The following LRRC4C variants were observed in gnomAD, a reference collection of about 807,000 sequenced individuals.
LRRC4C encodes the protein leucine rich repeat containing 4C.
Under a neutral mutation model 33.6 loss-of-function variants are expected in LRRC4C, and 5 were observed. The observed-to-expected ratio is 0.15, with a 90% confidence interval of 0.08 to 0.31. The LOEUF (loss-of-function observed/expected upper bound fraction) is 0.31, where lower values mean the gene tolerates loss of function less well. Ranked by LOEUF, LRRC4C falls within the 10% of genes least tolerant of loss-of-function variation. The pLI is 1.00. For synonymous variants in LRRC4C, 329 were observed against 302.0 expected, an observed-to-expected ratio of 1.09 and a Z score of -0.93; for missense variants, 560 against 796.7, an observed-to-expected ratio of 0.70 and a Z score of 3.58.
At chr11:40,251,174 C>T (rs1866760507) in intron 4 of LRRC4C, among the ~76,000 whole-genome samples, 1 of 152,118 alleles carries the variant, frequency 6.6e-6, no homozygotes, top group African/African-American at 2.4e-5. Flanking sequence ...TTGCAAAGGA[C>T]CATAATTTTA....
intron 1 of LRRC4C, among the ~76,000 whole-genome samples, chr11:41,281,297 G>A (rs557136021): frequency 2.6e-5 from 4 of 152,090 alleles, no homozygotes; most frequent in South Asian, 2.1e-4. Flanking sequence ...ATTTCTGCCC[G>A]CATCACACTC....
intron 5 of LRRC4C, among the ~76,000 whole-genome samples, chr11:40,230,539 T>A (rs534311483): frequency 8.3e-4 from 127 of 152,296 alleles, no homozygotes; most frequent in Middle Eastern, 3.4e-3. Flanking sequence ...ATTTTGTGGG[T>A]GATGATACAC....
At chr11:40,919,409 T>C (rs912085451) in intron 2 of LRRC4C, among the ~76,000 whole-genome samples, 1 of 152,182 alleles carries the variant, frequency 6.6e-6, no homozygotes, top group African/African-American at 2.4e-5. Context: ...TAATAACTCA[T>C]AGCGTTATCT....
intron 6 of LRRC4C, among the ~76,000 whole-genome samples, chr11:40,122,455 T>A (rs575221823): frequency 6.6e-6 from 1 of 152,178 alleles, no homozygotes; most frequent in East Asian, 1.9e-4. Flanking sequence ...CTCCTCCCTG[T>A]GTCCACGTGT....
At chr11:40,453,824 T>C (rs1785539765) in intron 3 of LRRC4C, among the ~76,000 whole-genome samples, 1 of 152,176 alleles carries the variant, frequency 6.6e-6, no homozygotes, top group Non-Finnish European at 1.5e-5. Context: ...TCACTGTACA[T>C]TGGTACCACA....
At position 41,329,169 on chromosome 11, in the gene LRRC4C, T is replaced by C. The variant is rs767952937; in HGVS notation, c.-496+130262A>G. Among the ~76,000 whole-genome samples the C allele has an allele frequency of 5.3e-5, 8 of 152,212 alleles. No individual in the cohort carries two copies. In the South Asian group the frequency reaches 1.2e-3, roughly 24 times the overall value. The stretch of plus-strand genomic sequence containing the variant: ...TGGTAACTCATGATAGAAAAGAATA[T>C]GCTAACTTTCTAAATTATATTTGCT... On this transcript the variant is annotated intron_variant, in intron 1 of 6. Transcript: ENST00000528697.
At chr11:41,435,909 G>C (rs1305828559) in intron 1 of LRRC4C, among the ~76,000 whole-genome samples, 1 of 152,098 alleles carries the variant, frequency 6.6e-6, no homozygotes, top group Non-Finnish European at 1.5e-5. Flanking sequence ...AAGGAAAATA[G>C]CCTAAACATT....
At chr11:41,400,741 A>C (rs1195474690) in intron 1 of LRRC4C, among the ~76,000 whole-genome samples, 1 of 151,912 alleles carries the variant, frequency 6.6e-6, no homozygotes, top group East Asian at 1.9e-4. Flanking sequence ...TGCCATCACT[A>C]GTTTTGTGTC....
intron 1 of LRRC4C, among the ~76,000 whole-genome samples, chr11:41,457,529 C>T (rs1199679696): frequency 1.3e-5 from 2 of 152,208 alleles, no homozygotes; most frequent in East Asian, 3.9e-4. Flanking sequence ...ATTATTCTCA[C>T]TTTCAGGTTT....
intron 1 of LRRC4C, among the ~76,000 whole-genome samples, chr11:40,985,825 G>C (rs1220109231): frequency 1.3e-5 from 2 of 152,094 alleles, no homozygotes; most frequent in Non-Finnish European, 2.9e-5. Flanking sequence ...CAAGTAGATG[G>C]ATTGTAGAAT....
intron 3 of LRRC4C, among the ~76,000 whole-genome samples, chr11:40,495,811 A>ATTTTT (rs1565445743): frequency 7.7e-5 from 4 of 51,902 alleles, no homozygotes; most frequent in Non-Finnish European, 1.2e-4. Context: ...CTCAATAAAC[A>ATTTTT]TGTTTTTTTT....
intron 5 of LRRC4C, among the ~76,000 whole-genome samples, chr11:40,171,498 T>A (rs1590608339): frequency 6.6e-6 from 1 of 152,204 alleles, no homozygotes; most frequent in South Asian, 2.1e-4. Flanking sequence ...TTACATTGTG[T>A]TTGGCACCCA....
chr11:40,559,940 A>G (rs1055617243), intron 3 of LRRC4C, among the ~76,000 whole-genome samples: 8 of 152,090 alleles, frequency 5.3e-5, no homozygotes, highest in Admixed American at 3.3e-4. Context: ...TTACACTTAC[A>G]TGTGGTTTCC....
chr11:40,805,700 TG>T (rs1172230996), intron 2 of LRRC4C, among the ~76,000 whole-genome samples: 1 of 152,046 alleles, frequency 6.6e-6, no homozygotes, highest in Non-Finnish European at 1.5e-5. Flanking sequence ...TTATATTAAC[TG>T]CACAAAAAAA....
intron 1 of LRRC4C, among the ~76,000 whole-genome samples, chr11:40,951,893 T>C (rs1958708075): frequency 6.6e-6 from 1 of 151,992 alleles, no homozygotes; most frequent in Admixed American, 6.6e-5. Flanking sequence ...GAATTCTGGC[T>C]GTTACATCCT....
At chr11:40,559,569 T>C (rs2135496343) in intron 3 of LRRC4C, among the ~76,000 whole-genome samples, 1 of 152,284 alleles carries the variant, frequency 6.6e-6, no homozygotes, top group African/African-American at 2.4e-5. Context: ...GTAGTTCTGC[T>C]TTTAGCTCTT....
At chr11:40,752,047 T>C (rs552776645) in intron 2 of LRRC4C, among the ~76,000 whole-genome samples, 3 of 152,116 alleles carry the variant, frequency 2.0e-5, no homozygotes, top group African/African-American at 7.2e-5. Context: ...TGGATGTCCA[T>C]GTGCAGAAGA....
intron 3 of LRRC4C, among the ~76,000 whole-genome samples, chr11:40,453,335 C>G (rs1260178269): frequency 6.6e-6 from 1 of 151,354 alleles, no homozygotes; most frequent in East Asian, 1.9e-4. Flanking sequence ...GTAGTGTATA[C>G]AAAAAATAAA....
At chr11:41,224,211 T>G (rs1327482135) in intron 1 of LRRC4C, among the ~76,000 whole-genome samples, 1 of 152,160 alleles carries the variant, frequency 6.6e-6, no homozygotes, top group Admixed American at 6.6e-5. Context: ...GAGGGAATCA[T>G]CTGTTCTTTT....
Sources: gnomAD v4.1 joint callset for allele counts (sites outside exome capture counted in the v4.1 genomes callset) on GRCh38, gnomAD v4.1.1 for gene constraint, MANE v1.5 for transcripts, NCBI Gene and HGNC (gene_info 2026-07-23, HGNC 2026-07-21) for gene names.